Variants in HEATR5B observed in about 807,000 individuals in gnomAD.
HEATR5B encodes HEAT repeat-containing protein 5B.
A neutral mutation model predicts 224.1 loss-of-function variants in HEATR5B; 156 were observed. The observed-to-expected ratio is 0.70, with a 90% CI of 0.61 to 0.80. The LOEUF is 0.80. HEATR5B is among the 30% of genes least tolerant of loss of function. The probability of loss-of-function intolerance (pLI) is 0.00; values close to 1 mark genes in which losing one functional copy is unlikely to be tolerated. For synonymous variants in HEATR5B, 1,027 were observed against 893.0 expected, an observed-to-expected ratio of 1.15 and a Z score of -2.68; for missense variants, 2,323 against 2,535.5, an observed-to-expected ratio of 0.92 and a Z score of 1.80.
rs557834104 is a variant in HEATR5B, at chr2:36,988,875, ATAT to A, written c.5698-19_5698-17del. ...TGGCTTGAACCTATATAAGAAGAAC[ATAT>A]TATCAATTAACATGTGTATAGTTCT... On this transcript the variant is annotated splice_polypyrimidine_tract_variant and intron_variant, in intron 34 of 35. Transcript: ENST00000233099. 3.2e-6 allele frequency: 5 copies of A among 1,563,666 alleles called. No individual in the cohort carries two copies. In the South Asian group the frequency reaches 5.6e-5, roughly 17 times the overall value.
intron 6 of HEATR5B, among the ~76,000 whole-genome samples, chr2:37,071,740 A>G (rs1356149461): frequency 1.3e-5 from 2 of 150,594 alleles, no homozygotes; most frequent in Non-Finnish European, 2.9e-5. Flanking sequence ...GCTGGAGTAC[A>G]GTGGTGCGAT....
intron 34 of HEATR5B, among the ~76,000 whole-genome samples, chr2:36,990,094 G>T (rs912646369): frequency 6.6e-6 from 1 of 151,230 alleles, no homozygotes; most frequent in Non-Finnish European, 1.5e-5. Flanking sequence ...AGTAGAGATG[G>T]GGTTTCACTA....
chr2:37,034,306 GTTTGT>G (rs1669332562), intron 21 of HEATR5B, among the ~76,000 whole-genome samples: 1 of 145,882 alleles, frequency 6.9e-6, no homozygotes, highest in Non-Finnish European at 1.5e-5. Context: ...GCACCTGGCT[GTTTGT>G]TTTGTTTTTA....
chr2:36,997,280 A>C (rs1666782928), intron 33 of HEATR5B, among the ~76,000 whole-genome samples: 1 of 151,164 alleles, frequency 6.6e-6, no homozygotes. Flanking sequence ...GATTTCTCGA[A>C]CTCAAGTGAT....
At chr2:37,067,647 T>C (rs1379847448) in intron 8 of HEATR5B, among the ~76,000 whole-genome samples, 1 of 152,122 alleles carries the variant, frequency 6.6e-6, no homozygotes, top group Non-Finnish European at 1.5e-5. Flanking sequence ...GGCACACGCC[T>C]GTAATAACAG....
intron 24 of HEATR5B, among the ~76,000 whole-genome samples, chr2:37,027,457 C>T (rs1463729443): frequency 1.3e-5 from 2 of 152,108 alleles, no homozygotes; most frequent in Admixed American, 1.3e-4. Flanking sequence ...ACAATTTTCA[C>T]CTTTTCAAAA....
Position 37,050,387 on chromosome 2 carries a change from A to G in HEATR5B, c.2506-544T>C, listed in dbSNP as rs541701025. On this transcript the variant is annotated intron_variant, in intron 17 of 35. Coordinates refer to ENST00000233099, the MANE Select transcript of HEATR5B (RefSeq NM_019024.3). Reference sequence around the variant, plus strand: ...ACACAGCCATAGTCTGACTGGCCCTAAGAGACACTTGCGGGGAGTGTCTCT... The same window carrying G: ...ACACAGCCATAGTCTGACTGGCCCTGAGAGACACTTGCGGGGAGTGTCTCT... Among the ~76,000 whole-genome samples the G allele has an allele frequency of 2.1e-4, 32 of 152,310 alleles. No homozygotes were observed. The South Asian group carries it at 6.4e-3, about 31-fold the overall frequency.
intron 21 of HEATR5B, among the ~76,000 whole-genome samples, chr2:37,037,227 C>T (rs1669551061): frequency 6.8e-6 from 1 of 147,132 alleles, no homozygotes. Context: ...CTCACTGCAA[C>T]CTCCGCCTCC....
intron 3 of HEATR5B, among the ~76,000 whole-genome samples, chr2:37,078,857 C>G (rs998604179): frequency 1.3e-5 from 2 of 152,170 alleles, no homozygotes; most frequent in Non-Finnish European, 2.9e-5. Flanking sequence ...ACTACATTCC[C>G]AACAAATCTC....
intron 5 of HEATR5B, 126 bp downstream of exon 5, chr2:37,075,359 C>T: frequency 3.0e-6 from 2 of 664,984 alleles, no homozygotes; most frequent in Non-Finnish European, 5.0e-6. Context: ...ATATATAATT[C>T]TAGAAAATGA....
chr2:37,067,795 A>C (rs1374583423), intron 8 of HEATR5B, among the ~76,000 whole-genome samples: 1 of 152,136 alleles, frequency 6.6e-6, no homozygotes, highest in Non-Finnish European at 1.5e-5. Flanking sequence ...TAAAATAAAA[A>C]ATAAAACGAG....
Position 37,032,783 on chromosome 2 carries a change from A to AT in HEATR5B, c.3217-11dup. 1 of 1,608,864 alleles carries AT rather than the reference A, an allele frequency of 6.2e-7. No individual in the cohort carries two copies. Among genetic ancestry groups the AT allele is most frequent in the Non-Finnish European group, 8.5e-7 (1 of 1,178,350 alleles). ...AACTACATAAGTGAACCTGTAAATC[A>AT]TAACAATGTTAGGCGATTTCTCTTT... is the stretch of plus-strand genomic sequence containing the variant. On this transcript the variant is annotated splice_polypyrimidine_tract_variant and intron_variant, in intron 21 of 35. Transcript: ENST00000233099.
Position 37,062,011 on chromosome 2 carries a change from C to T in HEATR5B, c.1624G>A (p.Ala542Thr), listed in dbSNP as rs907727645. ...TGTAAAGATAGCCTGCTATTTTGGG[C>T]AGCAGTTCGTAAAAGATCTTCAGCA... is the stretch of plus-strand genomic sequence containing the variant. The part of the protein sequence containing the change: ...SIAEDLLRTA[A>T]QNSRLSLQRT... Residue 542 changes from alanine (A) to threonine (T), a missense_variant, in exon 11 of 36, where the codon GCC becomes ACC. Coordinates refer to ENST00000233099, the MANE Select transcript of HEATR5B (RefSeq NM_019024.3). 9 of 1,613,646 alleles carry T rather than the reference C, an allele frequency of 5.6e-6. No individual in the cohort carries two copies. The highest frequency in any genetic ancestry group is 1.3e-5 in the African/African-American group (1 of 74,884).
intron 35 of HEATR5B, among the ~76,000 whole-genome samples, chr2:36,986,587 TGGAGA>T (rs1313538434): frequency 5.9e-5 from 9 of 152,128 alleles, no homozygotes; most frequent in Non-Finnish European, 1.2e-4. Context: ...AGTTTGTAGG[TGGAGA>T]GCAATGTGAC....
In HEATR5B at chr2:37,064,150, T is replaced by C. The variant is rs373062484; in HGVS notation, c.1584+590A>G. On this transcript the variant is annotated intron_variant, in intron 10 of 35. Transcript: ENST00000233099. Reference sequence around the variant, plus strand: ...AAACCACTCAATTTTTACTAAACATTATCAAAATGCTAAATATTACAATAG... The same window carrying C: ...AAACCACTCAATTTTTACTAAACATCATCAAAATGCTAAATATTACAATAG... 1.7e-4 allele frequency among the ~76,000 whole-genome samples: 26 copies of C among 152,308 alleles called. No individual in the cohort carries two copies. The East Asian group carries it at 4.4e-3, about 26-fold the overall frequency.
chr2:37,030,091 T>C (rs1382668780), intron 22 of HEATR5B, among the ~76,000 whole-genome samples: 2 of 152,130 alleles, frequency 1.3e-5, no homozygotes, highest in African/African-American at 4.8e-5. Flanking sequence ...CAGCGGTATA[T>C]AACTGGTGGC....
intron 8 of HEATR5B, among the ~76,000 whole-genome samples, chr2:37,068,472 A>G (rs1463283345): frequency 6.6e-6 from 1 of 152,194 alleles, no homozygotes; most frequent in Non-Finnish European, 1.5e-5. Context: ...AACAGAAAAC[A>G]CAATCTTACC....
rs1672835446 is a variant in HEATR5B, at chr2:37,084,281, A to G, written c.-35T>C. 2.5e-6 allele frequency: 1 copy of G among 393,848 alleles called. No individual in the cohort carries two copies. The highest frequency in any genetic ancestry group is 4.5e-6 in the Non-Finnish European group (1 of 223,546). The allele number at this position is 393,848 out of a possible 1,614,324, so 24.4% of individuals were successfully genotyped here. A position where few individuals can be genotyped will look rare whatever the true frequency, so the allele number is the denominator to read the frequency against. On this transcript the variant is annotated 5_prime_UTR_variant, in exon 1 of 36. Transcript: ENST00000233099. ...TCGGCGACCTCACCTCGTAGTCTGG[A>G]AGGGAAGATCAGCTGAGCTCCGGGG...
Position 37,037,856 on chromosome 2 carries a change from C to A in HEATR5B, c.3215G>T (p.Cys1072Phe). ...TGAATGAAATAGCTCTATACTTACA[C>A]AAAGGCTAGGAACAAGGCTAGATAG... is the stretch of plus-strand genomic sequence containing the variant. ...VNLSSLVPSLCVHLCSSHLLL... is the reference protein window; with the variant it reads ...VNLSSLVPSLFVHLCSSHLLL... Residue 1072 changes from cysteine (C) to phenylalanine (F), a missense_variant and splice_region_variant, in exon 21 of 36, where the codon TGT becomes TTT. By Grantham distance (205) the Cys-to-Phe change is radical. Coordinates refer to ENST00000233099, the MANE Select transcript of HEATR5B (RefSeq NM_019024.3). 1.3e-6 allele frequency: 2 copies of A among 1,518,222 alleles called. No homozygotes were observed. The highest frequency in any genetic ancestry group is 1.3e-5 in the South Asian group (1 of 74,792). 94.0% of individuals were successfully genotyped at this position (1,518,222 alleles called of 1,614,324 possible).
Sources: allele counts gnomAD v4.1 joint callset (sites outside exome capture counted in the v4.1 genomes callset), GRCh38; gene constraint gnomAD v4.1.1; transcripts MANE v1.5; gene names NCBI Gene and HGNC (gene_info 2026-07-23, HGNC 2026-07-21).